WDR81: variants seen among roughly 807,000 people sequenced by gnomAD.
WDR81 encodes the protein WD repeat domain 81, also known as WD repeat-containing protein 81.
In WDR81, 92 loss-of-function variants were observed where a neutral mutation model predicts 140.8. The observed-to-expected ratio is 0.65, with a 90% CI of 0.55 to 0.78. The LOEUF is 0.78. Ranked by LOEUF, WDR81 falls within the 30% of genes least tolerant of loss-of-function variation. The probability of loss-of-function intolerance (pLI) is 0.00; values close to 1 mark genes in which losing one functional copy is unlikely to be tolerated. For missense variants in WDR81, 2,502 were observed against 2,636.4 expected, an observed-to-expected ratio of 0.95 and a Z score of 1.12; for synonymous variants, 1,183 against 1,156.4, an observed-to-expected ratio of 1.02 and a Z score of -0.47.
At position 1,728,002 on chromosome 17, in the gene WDR81, G is replaced by A. The variant is rs764589452; in HGVS notation, c.3043G>A (p.Ala1015Thr). Residue 1015 changes from alanine (A) to threonine (T), a missense_variant, in exon 1 of 10, where the codon GCA becomes ACA. This residue lies in a region of WDR81 where 1,737 missense variants were observed against 1,843.0 expected (regional missense o/e 0.94). Coordinates refer to ENST00000409644, the MANE Select transcript of WDR81 (RefSeq NM_001163809.2). ...CCATGTCCTGCAGGTGCTGGCGGGC[G>A]CAGAGGCCTCCCAGGAGGAGAGCAA... Reference protein sequence around the residue: ...LPHVLQVLAGAEASQEESKDL... With the variant: ...LPHVLQVLAGTEASQEESKDL... The A allele has an allele frequency of 9.7e-6, 15 of 1,550,968 alleles. No individual in the cohort carries two copies. In the Admixed American group the frequency reaches 1.4e-4, roughly 14 times the overall value.
At chr17:1,736,611 G>T (rs935130054) in intron 9 of WDR81, among the ~76,000 whole-genome samples, 1 of 152,330 alleles carries the variant, frequency 6.6e-6, no homozygotes, top group East Asian at 1.9e-4. Context: ...TTTACTGCCT[G>T]TAGACCGCTG....
In WDR81 at chr17:1,732,774, A is replaced by C; in HGVS notation, c.4432A>C (p.Lys1478Gln). The C allele has an allele frequency of 1.2e-6, 2 of 1,613,146 alleles. No homozygotes were observed. The highest frequency in any genetic ancestry group is 1.7e-6 in the Non-Finnish European group (2 of 1,179,950). The change falls in exon 6 of 10, where the codon AAG (lysine) becomes CAG (glutamine). Residue 1478 changes from lysine to glutamine, a missense_variant. Transcript: ENST00000409644. Reference sequence around the variant, plus strand: ...CCCCGCCCTGCTGGACGAGCTGCAGAAGGTGTTCACCCTGGAGATGGCATA... The same window carrying C: ...CCCCGCCCTGCTGGACGAGCTGCAGCAGGTGTTCACCCTGGAGATGGCATA... ...VDPALLDELQKVFTLEMAYTI... is the reference protein window; with the variant it reads ...VDPALLDELQQVFTLEMAYTI...
rs776864189 is a variant in WDR81, at chr17:1,736,042, G to C, written c.5329G>C (p.Glu1777Gln). 5 of 1,594,770 alleles carry C rather than the reference G, an allele frequency of 3.1e-6. No homozygotes were observed. The highest frequency in any genetic ancestry group is 4.2e-6 in the Non-Finnish European group (5 of 1,176,622). ...VDCRKPGLQH[E>Q]FRLGGGLNPG... ...CTCAGCCGCCCTCTCCCTGCAGCAC[G>C]AGTTCCGACTGGGCGGTGGGCTGAA... Residue 1777 changes from glutamate to glutamine, a missense_variant, in exon 9 of 10, where the codon GAG becomes CAG. Glu to Gln is a conservative substitution (Grantham distance 29, BLOSUM62 2). Transcript: ENST00000409644.
intron 1 of WDR81, 142 bp from the exon 2 acceptor site, chr17:1,730,238 G>A (rs1915595518): frequency 1.5e-6 from 1 of 645,272 alleles, no homozygotes; most frequent in Non-Finnish European, 2.7e-6. Flanking sequence ...ACGTGGAGGG[G>A]GTGGTGTGGG....
At position 1,725,182 on chromosome 17, in the gene WDR81, C is replaced by T; in HGVS notation, c.223C>T (p.Pro75Ser). 6.5e-7 allele frequency: 1 copy of T among 1,536,542 alleles called. No individual in the cohort carries two copies. The highest frequency in any genetic ancestry group is 8.7e-7 in the Non-Finnish European group (1 of 1,146,136). The change falls in exon 1 of 10, where the codon CCC (proline) becomes TCC (serine). Residue 75 changes from proline (P) to serine (S), a missense_variant. Coordinates refer to ENST00000409644, the MANE Select transcript of WDR81 (RefSeq NM_001163809.2). ...SLRDRRLPLG[P>S]CPRAEGLGEA... ...CCGCGATCGCCGGCTGCCCCTGGGA[C>T]CCTGTCCCCGCGCAGAGGGCCTGGG...
Position 1,728,173 on chromosome 17 carries a change from A to G in WDR81, c.3214A>G (p.Ser1072Gly). 6.2e-7 allele frequency: 1 copy of G among 1,605,468 alleles called. No homozygotes were observed. Among genetic ancestry groups the G allele is most frequent in the Non-Finnish European group, 8.5e-7 (1 of 1,174,326 alleles). Reference sequence around the variant, plus strand: ...GCTCCCAGACTACACGTCTGGCGTCAGCTTCCACGACCAGGCTGACCTCCC... The same window carrying G: ...GCTCCCAGACTACACGTCTGGCGTCGGCTTCCACGACCAGGCTGACCTCCC... ...LGLPDYTSGV[S>G]FHDQADLPET... is the part of the protein sequence containing the mutation. Residue 1072 changes from serine to glycine, a missense_variant, in exon 1 of 10, where the codon AGC (serine) becomes GGC (glycine). Ser to Gly is a moderately conservative substitution (Grantham distance 56). Around this residue, in one of 3 missense-constraint regions of WDR81, gnomAD observed 1,737 missense variants for 1,843.0 expected, o/e 0.94. Transcript: ENST00000409644.
intron 9 of WDR81, 47 bp downstream of exon 9, chr17:1,736,265 G>A: frequency 6.4e-7 from 1 of 1,566,344 alleles, no homozygotes; most frequent in South Asian, 1.2e-5. Flanking sequence ...CCCCGCCCCT[G>A]TCCAGCCATC....
At chr17:1,731,675 G>A (rs371370802) in intron 4 of WDR81, among the ~76,000 whole-genome samples, 63 of 152,082 alleles carry the variant, frequency 4.1e-4, no homozygotes, top group Non-Finnish European at 8.4e-4. Flanking sequence ...GGGCCAAGGC[G>A]GGTGGATCAC....
upstream of WDR81, among the ~76,000 whole-genome samples, chr17:1,721,838 AT>A (rs1914881557): frequency 6.9e-6 from 1 of 144,328 alleles, no homozygotes. Context: ...AAAAAAAAAA[AT>A]CAGGCCGGGC....
Position 1,732,723 on chromosome 17 carries a change from T to C in WDR81, c.4381T>C (p.Ser1461Pro). ...GGGCCAGCTGCCACAGGTGGTCTTCTCTGATGGGCAGCAGCGGCCCGTGGA... is the reference window on the plus strand; with the variant it reads ...GGGCCAGCTGCCACAGGTGGTCTTCCCTGATGGGCAGCAGCGGCCCGTGGA... ...GEGQLPQVVF[S>P]DGQQRPVDPA... Residue 1461 changes from serine (S) to proline (P), a missense_variant, in exon 6 of 10, where the codon TCT (serine) becomes CCT (proline). Physicochemically the swap from Ser to Pro is moderately conservative, Grantham distance 74. Coordinates refer to ENST00000409644, the MANE Select transcript of WDR81 (RefSeq NM_001163809.2). The C allele has an allele frequency of 1.2e-6, 2 of 1,612,910 alleles. No homozygotes were observed. The highest frequency in any genetic ancestry group is 1.7e-6 in the Non-Finnish European group (2 of 1,179,942).
At chr17:1,723,247 A>C (rs907017763), upstream of WDR81, among the ~76,000 whole-genome samples, 1 of 152,008 alleles carries the variant, frequency 6.6e-6, no homozygotes, top group Non-Finnish European at 1.5e-5. Context: ...TGACATCTGG[A>C]GGCTCTGACC....
rs150462855 is a variant in WDR81, at chr17:1,734,140, C to T, written c.5103C>T (p.Phe1701=). ...ACACCCAGCACCGCAAGAGCGTCTT[C>T]TTCGTGGGCCAGCTTGAGGCCCCGC... The part of the protein sequence containing the change: ...LVYTQHRKSV[F]FVGQLEAPQH... Residue 1701 remains phenylalanine, a synonymous_variant, in exon 7 of 10, where the codon TTC becomes TTT. Transcript: ENST00000409644. 7.9e-5 allele frequency: 126 copies of T among 1,599,332 alleles called. No individual in the cohort carries two copies. In the African/African-American group the frequency reaches 1.4e-3, roughly 18 times the overall value.
chr17:1,722,411 A>G (rs941066414), upstream of WDR81, among the ~76,000 whole-genome samples: 5 of 140,828 alleles, frequency 3.6e-5, no homozygotes, highest in African/African-American at 1.3e-4. Context: ...CAGTGGCGCT[A>G]TCTTGGCTCA....
Position 1,727,741 on chromosome 17 carries a change from G to T in WDR81, c.2782G>T (p.Val928Leu). 4 of 1,550,696 alleles carry T rather than the reference G, an allele frequency of 2.6e-6. No homozygotes were observed. Among genetic ancestry groups the T allele is most frequent in the Non-Finnish European group, 3.5e-6 (4 of 1,146,998 alleles). The change falls in exon 1 of 10, where the codon GTG (valine) becomes TTG (leucine). Residue 928 changes from valine to leucine, a missense_variant. Transcript: ENST00000409644. ...GGGCCTGGAGATCCTGCTGCCCTTC[G>T]TGCTCTCACTCATGTCCGAGGAGCA... ...PEGLEILLPFVLSLMSEEHTA... is the reference protein window; with the variant it reads ...PEGLEILLPFLLSLMSEEHTA...
rs12150338 is a variant in WDR81 at position 1,730,810 on chromosome 17, C to T, written c.3831C>T (p.Ala1277=). ...VSSGESPPLS[A]GNIYQKRPVL... ...GTGGCGAGAGCCCACCGCTGAGCGC[C>T]GGCAACATCTACCAGAAGAGGCCGG... is the stretch of plus-strand genomic sequence containing the variant. The change falls in exon 3 of 10, where the codon GCC becomes GCT. Residue 1277 remains alanine, a synonymous_variant. Coordinates refer to ENST00000409644, the MANE Select transcript of WDR81 (RefSeq NM_001163809.2). The T allele has an allele frequency of 0.099, 160,130 of 1,612,388 alleles. 8,864 individuals are homozygous for T. The highest frequency in any genetic ancestry group is 0.2 in the Admixed American group (11,941 of 60,004).
At position 1,726,490 on chromosome 17, in the gene WDR81, G is replaced by C; in HGVS notation, c.1531G>C (p.Asp511His). 1.9e-6 allele frequency: 3 copies of C among 1,550,540 alleles called. No individual in the cohort carries two copies. Among genetic ancestry groups the C allele is most frequent in the Non-Finnish European group, 2.6e-6 (3 of 1,147,018 alleles). The change falls in exon 1 of 10, where the codon GAC becomes CAC. Residue 511 changes from aspartate (D) to histidine (H), a missense_variant. Physicochemically the swap from Asp to His is moderately conservative, Grantham distance 81 (BLOSUM62 -1). Around this residue, in one of 3 missense-constraint regions of WDR81, gnomAD observed 218 missense variants for 279.6 expected, o/e 0.78. Coordinates refer to ENST00000409644, the MANE Select transcript of WDR81 (RefSeq NM_001163809.2). ...CCGCTCCATCCACCCCGACATGCCT[G>C]ACCTGGATGTGCCAGCCTGGTGCAG... ...IFRSIHPDMP[D>H]LDVPAWCSSS...
At chr17:1,720,353 A>G (rs1042150418), upstream of WDR81, among the ~76,000 whole-genome samples, 1 of 152,214 alleles carries the variant, frequency 6.6e-6, no homozygotes, top group Non-Finnish European at 1.5e-5. Flanking sequence ...TGAGAGGGAA[A>G]TTCCGGAAGA....
At position 1,734,015 on chromosome 17, in the gene WDR81, G is replaced by A. The variant is rs762805073; in HGVS notation, c.4978G>A (p.Glu1660Lys). The change falls in exon 7 of 10, where the codon GAG becomes AAG. Residue 1660 changes from glutamate (E) to lysine (K), a missense_variant. Glu to Lys is a moderately conservative substitution (Grantham distance 56). Around this residue, in one of 3 missense-constraint regions of WDR81, gnomAD observed 1,737 missense variants for 1,843.0 expected, o/e 0.94. Coordinates refer to ENST00000409644, the MANE Select transcript of WDR81 (RefSeq NM_001163809.2). Reference protein sequence around the residue: ...AVKCVAPLSSEDFFLSGSKDR... With the variant: ...AVKCVAPLSSKDFFLSGSKDR... ...CAAGTGCGTGGCACCCCTAAGCAGC[G>A]AGGACTTCTTCCTGAGCGGCAGCAA... The A allele has an allele frequency of 1.2e-6, 2 of 1,612,314 alleles. No individual in the cohort carries two copies. The highest frequency in any genetic ancestry group is 1.7e-6 in the Non-Finnish European group (2 of 1,179,946).
At chr17:1,724,253 A>C (rs1349576542), upstream of WDR81, among the ~76,000 whole-genome samples, 1 of 152,124 alleles carries the variant, frequency 6.6e-6, no homozygotes, top group African/African-American at 2.4e-5. Context: ...CGTCCCAGCT[A>C]CTCGGGAGGC....
Sources: gnomAD v4.1 joint callset for allele counts (sites outside exome capture counted in the v4.1 genomes callset) on GRCh38, gnomAD v4.1.1 for gene constraint, gnomAD v4.1.1 regional missense constraint, MANE v1.5 for transcripts, NCBI Gene and HGNC (gene_info 2026-07-23, HGNC 2026-07-21) for gene names.